SNTG2: variants seen among roughly 807,000 people sequenced by gnomAD.
SNTG2 encodes the protein syntrophin gamma 2, also known as gamma-2-syntrophin.
A neutral mutation model predicts 70.9 loss-of-function variants in SNTG2; 74 were observed. That is an observed-to-expected ratio of 1.04 (90% CI 0.86 to 1.27). The LOEUF (loss-of-function observed/expected upper bound fraction) is 1.27, where lower values mean the gene tolerates loss of function less well. Among genes scored for constraint, SNTG2 ranks in the 50% most tolerant of loss-of-function variants. SNTG2 has a pLI of 0.00. For synonymous variants in SNTG2, 278 were observed against 273.8 expected, an observed-to-expected ratio of 1.02 and a Z score of -0.15; for missense variants, 717 against 690.7, an observed-to-expected ratio of 1.04 and a Z score of -0.43.
rs28562260 is a variant in SNTG2, at chr2:1,205,000, C to T, written c.592-4103C>T. Reference sequence around the variant, plus strand: ...TAAAAATTATTATGTGCAGTATGATCTTAACTTTTAAAAACCAAATAGAAA... The same window carrying T: ...TAAAAATTATTATGTGCAGTATGATTTTAACTTTTAAAAACCAAATAGAAA... On this transcript the variant is annotated intron_variant, in intron 8 of 16. Transcript: ENST00000308624. Among the ~76,000 whole-genome samples the T allele has an allele frequency of 7.2e-5, 11 of 151,974 alleles. 2 individuals carry two copies. The East Asian group carries it at 7.7e-4, about 11-fold the overall frequency.
chr2:1,304,720 C>T (rs1247894357), intron 14 of SNTG2, among the ~76,000 whole-genome samples: 1 of 115,380 alleles, frequency 8.7e-6, no homozygotes, highest in African/African-American at 3.5e-5. Flanking sequence ...GAGCGAAACT[C>T]TCTCTCTCAA....
At chr2:1,260,007 C>T (rs889871807) in intron 13 of SNTG2, among the ~76,000 whole-genome samples, 3 of 152,216 alleles carry the variant, frequency 2.0e-5, no homozygotes, top group Admixed American at 2.0e-4. Context: ...TCACCGTGGC[C>T]GGGTGCCACC....
rs1660758291 is a variant in SNTG2 at position 1,354,849 on chromosome 2, G to A, written c.1489-12494G>A. ...GAAGAGAATACTTTGGGACTTTACA[G>A]CAGGTTAAAATCTTATTTTTTCAGG... is the stretch of plus-strand genomic sequence containing the variant. On this transcript the variant is annotated intron_variant, in intron 16 of 16. Transcript: ENST00000308624. Among the ~76,000 whole-genome samples, 3 of 152,352 alleles carry A rather than the reference G, an allele frequency of 2.0e-5. No homozygotes were observed. In the South Asian group the frequency reaches 6.2e-4, roughly 32 times the overall value.
At chr2:1,109,117 G>T (rs188062893) in intron 4 of SNTG2, among the ~76,000 whole-genome samples, 5 of 152,236 alleles carry the variant, frequency 3.3e-5, no homozygotes, top group Admixed American at 2.6e-4. Flanking sequence ...CGCAGGGTAT[G>T]GAGAGCTGGA....
chr2:1,052,290 A>C (rs1380440150), intron 1 of SNTG2, among the ~76,000 whole-genome samples: 3 of 152,192 alleles, frequency 2.0e-5, no homozygotes. Flanking sequence ...TCAACTTTTA[A>C]GTTACGTACA....
intron 10 of SNTG2, among the ~76,000 whole-genome samples, chr2:1,239,308 C>T (rs529345279): frequency 1.4e-4 from 21 of 152,264 alleles, no homozygotes; most frequent in Non-Finnish European, 2.1e-4. Flanking sequence ...ACCTCCACTT[C>T]CTCGGTGAAA....
chr2:1,146,545 T>C (rs1669121069), intron 6 of SNTG2, among the ~76,000 whole-genome samples: 1 of 152,174 alleles, frequency 6.6e-6, no homozygotes, highest in African/African-American at 2.4e-5. Context: ...TATTGACAAA[T>C]TGAGTCTAAA....
intron 1 of SNTG2, among the ~76,000 whole-genome samples, chr2:1,058,552 C>G (rs1231176548): frequency 6.6e-6 from 1 of 152,188 alleles, no homozygotes; most frequent in African/African-American, 2.4e-5. Context: ...TGCATAGATG[C>G]AAAAATCCTA....
At chr2:1,000,989 G>A (rs563800992) in intron 1 of SNTG2, among the ~76,000 whole-genome samples, 4 of 151,946 alleles carry the variant, frequency 2.6e-5, no homozygotes, top group African/African-American at 4.8e-5. Flanking sequence ...AATGTGATTC[G>A]CCACGTAAAC....
At chr2:1,047,502 G>A (rs1233756881) in intron 1 of SNTG2, among the ~76,000 whole-genome samples, 2 of 152,184 alleles carry the variant, frequency 1.3e-5, no homozygotes, top group African/African-American at 4.8e-5. Context: ...TACTCCTTCA[G>A]CTGTGTGGTG....
intron 4 of SNTG2, among the ~76,000 whole-genome samples, chr2:1,119,000 CA>C (rs1363361680): frequency 6.6e-6 from 1 of 151,462 alleles, no homozygotes; most frequent in Non-Finnish European, 1.5e-5. Flanking sequence ...AAGTCAAAGG[CA>C]AAAAAAGGAT....
At chr2:1,134,276 GC>G (rs1317775453) in intron 4 of SNTG2, among the ~76,000 whole-genome samples, 10 of 152,142 alleles carry the variant, frequency 6.6e-5, no homozygotes, top group African/African-American at 2.4e-4. Flanking sequence ...CACTGGTGGC[GC>G]CGGGATCCTG....
intron 1 of SNTG2, among the ~76,000 whole-genome samples, chr2:978,444 A>G (rs542797856): frequency 6.6e-6 from 1 of 152,322 alleles, no homozygotes; most frequent in Non-Finnish European, 1.5e-5. Flanking sequence ...TTATTATCCA[A>G]CAAGGAACAT....
chr2:1,168,316 C>G (rs1008840020), intron 7 of SNTG2, among the ~76,000 whole-genome samples: 3 of 150,054 alleles, frequency 2.0e-5, no homozygotes, highest in African/African-American at 2.5e-5. Flanking sequence ...CTGAAGCCTA[C>G]AGGCCGCCCA....
chr2:1,292,512 A>G (rs1053107006), intron 14 of SNTG2, among the ~76,000 whole-genome samples: 4 of 152,030 alleles, frequency 2.6e-5, no homozygotes, highest in Non-Finnish European at 4.4e-5. Flanking sequence ...ATGTTGAGAT[A>G]TTTCACCCAA....
chr2:1,147,375 C>A (rs1026944187), intron 6 of SNTG2, among the ~76,000 whole-genome samples: 2 of 152,178 alleles, frequency 1.3e-5, no homozygotes, highest in African/African-American at 2.4e-5. Context: ...AGCACCATCT[C>A]ATCAGCTGCC....
At chr2:1,110,348 G>T (rs1174756016) in intron 4 of SNTG2, among the ~76,000 whole-genome samples, 9 of 152,158 alleles carry the variant, frequency 5.9e-5, no homozygotes, top group Admixed American at 5.9e-4. Flanking sequence ...ATTTTCACCT[G>T]TTATTGGTGT....
chr2:1,149,420 A>G (rs576017094), intron 6 of SNTG2, among the ~76,000 whole-genome samples: 1 of 152,302 alleles, frequency 6.6e-6, no homozygotes, highest in South Asian at 2.1e-4. Flanking sequence ...TACACACAGG[A>G]GAAAGGAAGC....
intron 4 of SNTG2, among the ~76,000 whole-genome samples, chr2:1,115,890 G>A (rs931611831): frequency 6.6e-6 from 1 of 152,236 alleles, no homozygotes; most frequent in Non-Finnish European, 1.5e-5. Flanking sequence ...AATGAATTCA[G>A]GTCAATGTTC....
Sources: allele counts gnomAD v4.1 joint callset (sites outside exome capture counted in the v4.1 genomes callset), GRCh38; gene constraint gnomAD v4.1.1; transcripts MANE v1.5; gene names NCBI Gene and HGNC (gene_info 2026-07-23, HGNC 2026-07-21).